The following ASTN2 variants were observed in gnomAD, a reference collection of about 807,000 sequenced individuals.
ASTN2 encodes the protein astrotactin-2.
In ASTN2, 54 loss-of-function variants were observed where a neutral mutation model predicts 139.8. The observed-to-expected ratio is 0.39, with a 90% CI of 0.31 to 0.48. ASTN2 has a LOEUF of 0.48. Among genes scored for constraint, ASTN2 ranks in the 20% least tolerant of loss-of-function variants. The pLI is 0.95. For synonymous variants in ASTN2, 756 were observed against 719.5 expected (o/e 1.05, Z -0.81); for missense variants, 1,565 against 1,725.1 (o/e 0.91, Z 1.64).
chr9:116,767,800 G>A (rs1829849421), intron 13 of ASTN2, among the ~76,000 whole-genome samples: 1 of 152,184 alleles, frequency 6.6e-6, no homozygotes, highest in South Asian at 2.1e-4. Context: ...GGGAACAGAG[G>A]AATGGAGCAA....
intron 2 of ASTN2, among the ~76,000 whole-genome samples, chr9:117,241,819 T>C (rs1833215910): frequency 6.6e-6 from 1 of 151,956 alleles, no homozygotes; most frequent in South Asian, 2.1e-4. Context: ...TGGTAGGGAC[T>C]GTGGCAAATT....
intron 19 of ASTN2, among the ~76,000 whole-genome samples, chr9:116,590,155 T>C (rs571617535): frequency 3.3e-5 from 5 of 152,140 alleles, no homozygotes; most frequent in East Asian, 1.9e-4. Flanking sequence ...CACTTCCAAG[T>C]TGGAGGAGCG....
chr9:117,282,997 T>G (rs1488467992), intron 2 of ASTN2, among the ~76,000 whole-genome samples: 1 of 148,654 alleles, frequency 6.7e-6, no homozygotes, highest in African/African-American at 2.4e-5. Flanking sequence ...TTTTTTTTTT[T>G]GGAAACTCTT....
In ASTN2 at chr9:117,266,067, G is replaced by A. The variant is rs7857989; in HGVS notation, c.630+25259C>T. ...CCCTGTGACCTACCCAGATCCCTAG[G>A]TTGTGCCAGACAGATGCAGTTTATA... On this transcript the variant is annotated intron_variant, in intron 2 of 22. Transcript: ENST00000313400. Among the ~76,000 whole-genome samples, 1,117 of 152,278 alleles carry A rather than the reference G, an allele frequency of 7.3e-3. 20 individuals carry two copies. The highest frequency in any genetic ancestry group is 0.026 in the African/African-American group (1,078 of 41,550).
intron 1 of ASTN2, among the ~76,000 whole-genome samples, chr9:117,300,326 A>G (rs1052410366): frequency 2.6e-5 from 4 of 152,204 alleles, no homozygotes; most frequent in African/African-American, 9.6e-5. Flanking sequence ...CCATTTAATC[A>G]TTAATTCATA....
chr9:117,339,669 G>A (rs751952177), intron 1 of ASTN2, among the ~76,000 whole-genome samples: 4 of 152,062 alleles, frequency 2.6e-5, no homozygotes, highest in Non-Finnish European at 4.4e-5. Flanking sequence ...GTTTCCTAAT[G>A]AAACCTGACA....
In ASTN2 at chr9:117,008,162, G is replaced by A. The variant is rs542968159; in HGVS notation, c.1521C>T (p.Ser507=). Residue 507 remains serine (S), a synonymous_variant, in exon 7 of 23, where the codon TCC becomes TCT. Transcript: ENST00000313400. ...GTCCACAGAGGTCCCTCACCCATGGGGAGGTGGCATTGATCTGGTAATACA... is the reference window on the plus strand; with the variant it reads ...GTCCACAGAGGTCCCTCACCCATGGAGAGGTGGCATTGATCTGGTAATACA... ...LSLYYQINAT[S]PWVRDLCGQR... The A allele has an allele frequency of 4.3e-6, 7 of 1,611,268 alleles. No homozygotes were observed. The highest frequency in any genetic ancestry group is 1.3e-5 in the African/African-American group (1 of 74,896).
At chr9:116,651,919 G>C in intron 16 of ASTN2, 126 bp from the exon 17 acceptor site, 2 of 1,208,094 alleles carry the variant, frequency 1.7e-6, no homozygotes, top group South Asian at 3.1e-5. Context: ...AAAGATGATA[G>C]AGTGATTTAT....
intron 13 of ASTN2, among the ~76,000 whole-genome samples, chr9:116,764,089 G>A (rs1434042684): frequency 6.6e-6 from 1 of 152,132 alleles, no homozygotes. Context: ...ATGGATAAGA[G>A]AGCTGACCAG....
At chr9:117,386,800 C>T (rs1381359766) in intron 1 of ASTN2, among the ~76,000 whole-genome samples, 1 of 152,150 alleles carries the variant, frequency 6.6e-6, no homozygotes, top group African/African-American at 2.4e-5. Context: ...GCAGCACCCT[C>T]CTTGGCTAAG....
At chr9:117,210,202 C>T (rs1281172401) in intron 3 of ASTN2, among the ~76,000 whole-genome samples, 1 of 151,804 alleles carries the variant, frequency 6.6e-6, no homozygotes, top group Non-Finnish European at 1.5e-5. Context: ...AGAAATAGAT[C>T]AGAGCAAAAA....
At chr9:116,828,051 C>G (rs2094283) in intron 11 of ASTN2, among the ~76,000 whole-genome samples, 120,465 of 151,932 alleles carry the variant, frequency 0.79, 47,946 homozygotes, top group Middle Eastern at 0.91. Context: ...AAGCCCAGCA[C>G]TTTGGGAGGC....
chr9:116,991,586 T>TA lies in ASTN2; in HGVS notation c.1592-14802dup, dbSNP rs5900249. Among the ~76,000 whole-genome samples, 722 of 141,698 alleles carry TA rather than the reference T, an allele frequency of 5.1e-3. 3 individuals are homozygous for TA. The highest frequency in any genetic ancestry group is 0.017 in the African/African-American group (635 of 37,964). 93.0% of individuals were successfully genotyped at this position (141,698 alleles called of 152,430 possible). On this transcript the variant is annotated intron_variant, in intron 7 of 22. Coordinates refer to ENST00000313400, the MANE Select transcript of ASTN2 (RefSeq NM_001365068.1). ...AAAGGTGAATACTTCTCCCTCTTAT[T>TA]AAAAAAAAAAAAAAAAGCAGAAAAT...
intron 3 of ASTN2, among the ~76,000 whole-genome samples, chr9:117,195,905 GA>G (rs1831489001): frequency 6.6e-6 from 1 of 152,092 alleles, no homozygotes; most frequent in African/African-American, 2.4e-5. Context: ...GCCAATTTAG[GA>G]GCTCAGAATT....
intron 1 of ASTN2, among the ~76,000 whole-genome samples, chr9:117,349,046 G>C (rs1311118179): frequency 3.3e-5 from 5 of 152,208 alleles, no homozygotes; most frequent in African/African-American, 1.2e-4. Flanking sequence ...GCCATAGAGA[G>C]AGCTAGGCAA....
chr9:117,350,787 AG>A (rs1221083765), intron 1 of ASTN2, among the ~76,000 whole-genome samples: 1 of 152,180 alleles, frequency 6.6e-6, no homozygotes, highest in Non-Finnish European at 1.5e-5. Flanking sequence ...AAGTTAGCAA[AG>A]CATTTAGAGC....
rs1588119447 is a variant in ASTN2 at position 116,634,482 on chromosome 9, C to T, written c.3073-14039G>A. The stretch of plus-strand genomic sequence containing the variant: ...GCGGGCGCCTGTAGTCCCAGCTACT[C>T]GGAAGGCTGAGGCAGGAGAATGGCG... On this transcript the variant is annotated intron_variant, in intron 17 of 22. Coordinates refer to ENST00000313400, the MANE Select transcript of ASTN2 (RefSeq NM_001365068.1). Among the ~76,000 whole-genome samples the T allele has an allele frequency of 2.0e-5, 3 of 149,830 alleles. No homozygotes were observed. In the South Asian group the frequency reaches 6.3e-4, roughly 32 times the overall value.
chr9:117,351,054 A>G (rs894075686), intron 1 of ASTN2, among the ~76,000 whole-genome samples: 1 of 152,160 alleles, frequency 6.6e-6, no homozygotes, highest in African/African-American at 2.4e-5. Flanking sequence ...TGCACCCTCA[A>G]CGTCTACACT....
chr9:117,140,614 A>AAAGAGGAGGAGGAGG (rs1830051632), intron 4 of ASTN2, among the ~76,000 whole-genome samples: 1 of 151,134 alleles, frequency 6.6e-6, no homozygotes, highest in African/African-American at 2.4e-5. Flanking sequence ...GTAGAAGGAG[A>AAAGAGGAGGAGGAGG]AAGAGGAGGA....
Sources: gnomAD v4.1 joint callset for allele counts (sites outside exome capture counted in the v4.1 genomes callset) on GRCh38, gnomAD v4.1.1 for gene constraint, MANE v1.5 for transcripts, NCBI Gene and HGNC (gene_info 2026-07-23, HGNC 2026-07-21) for gene names.